Variants in ELOVL7 observed in about 807,000 individuals in gnomAD.
The protein encoded by ELOVL7 is ELOVL fatty acid elongase 7.
In ELOVL7, 27 loss-of-function variants were observed where a neutral mutation model predicts 35.7. That is an observed-to-expected ratio of 0.76 (90% CI 0.56 to 1.04). The LOEUF (loss-of-function observed/expected upper bound fraction) is 1.04. Among genes scored for constraint, ELOVL7 ranks in the 50% least tolerant of loss-of-function variants. ELOVL7 has a pLI of 0.00. For missense variants in ELOVL7, 327 were observed against 340.8 expected, an observed-to-expected ratio of 0.96 and a Z score of 0.32; for synonymous variants, 113 against 114.6, an observed-to-expected ratio of 0.99 and a Z score of 0.09.
At chr5:60,837,440 C>T (rs1354638819) in intron 1 of ELOVL7, among the ~76,000 whole-genome samples, 2 of 151,438 alleles carry the variant, frequency 1.3e-5, no homozygotes, top group Non-Finnish European at 2.9e-5. Context: ...CTGGGTGACA[C>T]AGTGAGACTC....
intron 6 of ELOVL7, among the ~76,000 whole-genome samples, chr5:60,765,356 A>T (rs1295817000): frequency 6.6e-6 from 1 of 152,192 alleles, no homozygotes; most frequent in African/African-American, 2.4e-5. Context: ...TTCTGGACTA[A>T]TGCTTCTCAA....
At chr5:60,805,278 A>G (rs1224576428) in intron 1 of ELOVL7, among the ~76,000 whole-genome samples, 1 of 152,224 alleles carries the variant, frequency 6.6e-6, no homozygotes, top group Non-Finnish European at 1.5e-5. Flanking sequence ...AACAAAACAA[A>G]AATCCTGGCT....
intron 1 of ELOVL7, among the ~76,000 whole-genome samples, chr5:60,800,003 C>T (rs1161111724): frequency 1.5e-5 from 2 of 130,620 alleles, no homozygotes; most frequent in Non-Finnish European, 3.1e-5. Context: ...CGCTATTGCA[C>T]ACCAGCCTGG....
chr5:60,814,346 T>A (rs1157752529), intron 1 of ELOVL7, among the ~76,000 whole-genome samples: 1 of 152,050 alleles, frequency 6.6e-6, no homozygotes, highest in African/African-American at 2.4e-5. Context: ...TGCTCAAAAG[T>A]CAAAGAGGTG....
chr5:60,762,471 C>A (rs940626900), intron 7 of ELOVL7, among the ~76,000 whole-genome samples: 1 of 152,016 alleles, frequency 6.6e-6, no homozygotes, highest in African/African-American at 2.4e-5. Flanking sequence ...CATTCTTGAA[C>A]TGTCAGATAT....
intron 1 of ELOVL7, among the ~76,000 whole-genome samples, chr5:60,807,097 A>G (rs1431071578): frequency 2.0e-5 from 3 of 152,128 alleles, no homozygotes; most frequent in Non-Finnish European, 4.4e-5. Flanking sequence ...GATGCAAAAG[A>G]GCCTGAGAAG....
intron 4 of ELOVL7, chr5:60,768,734 A>T (rs1347488940): frequency 2.2e-6 from 1 of 455,332 alleles, no homozygotes; most frequent in Non-Finnish European, 4.4e-6. Flanking sequence ...CTTAACACAT[A>T]TATGAAATTG....
At chr5:60,814,204 C>T (rs1205818387) in intron 1 of ELOVL7, among the ~76,000 whole-genome samples, 1 of 152,018 alleles carries the variant, frequency 6.6e-6, no homozygotes, top group Non-Finnish European at 1.5e-5. Flanking sequence ...ATCGGTGGTT[C>T]TGAAAAGAAT....
chr5:60,840,347 GAC>G (rs1747092027), intron 1 of ELOVL7, among the ~76,000 whole-genome samples: 1 of 152,156 alleles, frequency 6.6e-6, no homozygotes, highest in African/African-American at 2.4e-5. Flanking sequence ...TGAAGACACA[GAC>G]ACAAAGGGAA....
chr5:60,808,227 G>T (rs1231050622), intron 1 of ELOVL7, among the ~76,000 whole-genome samples: 2 of 151,598 alleles, frequency 1.3e-5, no homozygotes, highest in Non-Finnish European at 2.9e-5. Context: ...GGGCAAAGAT[G>T]ATCCCATAAA....
chr5:60,817,964 CT>C (rs1197368214), intron 1 of ELOVL7, among the ~76,000 whole-genome samples: 4 of 150,984 alleles, frequency 2.6e-5, no homozygotes, highest in Non-Finnish European at 5.9e-5. Context: ...CAATATGAGA[CT>C]TGTTTAAAAA....
At chr5:60,765,990 C>G (rs1476233527) in intron 6 of ELOVL7, among the ~76,000 whole-genome samples, 1 of 152,150 alleles carries the variant, frequency 6.6e-6, no homozygotes, top group South Asian at 2.1e-4. Flanking sequence ...ATTTGTGACA[C>G]GTGCTTCTCC....
chr5:60,762,304 A>C (rs999346101), intron 7 of ELOVL7, among the ~76,000 whole-genome samples: 2 of 150,352 alleles, frequency 1.3e-5, no homozygotes, highest in Non-Finnish European at 3.0e-5. Flanking sequence ...TGCCTCAAAA[A>C]AAAAAAAAAA....
At chr5:60,839,505 T>G (rs1230059922) in intron 1 of ELOVL7, among the ~76,000 whole-genome samples, 1 of 152,188 alleles carries the variant, frequency 6.6e-6, no homozygotes, top group Admixed American at 6.5e-5. Flanking sequence ...AATGCCCAAC[T>G]GGTATTAGTT....
At chr5:60,801,108 G>A (rs1744583515) in intron 1 of ELOVL7, among the ~76,000 whole-genome samples, 1 of 151,798 alleles carries the variant, frequency 6.6e-6, no homozygotes, top group African/African-American at 2.4e-5. Context: ...TTTATTTTTT[G>A]TAGAGATGGG....
At chr5:60,790,070 G>C (rs1035235756) in intron 2 of ELOVL7, among the ~76,000 whole-genome samples, 1 of 152,150 alleles carries the variant, frequency 6.6e-6, no homozygotes, top group African/African-American at 2.4e-5. Context: ...CTGGGAGGCA[G>C]AGGTTGCAGT....
intron 1 of ELOVL7, among the ~76,000 whole-genome samples, chr5:60,838,236 G>A (rs1746947386): frequency 6.6e-6 from 1 of 152,040 alleles, no homozygotes; most frequent in African/African-American, 2.4e-5. Flanking sequence ...TAAAGTATCT[G>A]CATCTCCCTG....
chr5:60,785,489 G>A (rs1477950499), intron 3 of ELOVL7, among the ~76,000 whole-genome samples: 1 of 152,114 alleles, frequency 6.6e-6, no homozygotes, highest in Non-Finnish European at 1.5e-5. Context: ...TTGTATCTGG[G>A]ATAGTGACTA....
rs1402330755 is a variant in ELOVL7 at position 60,754,414 on chromosome 5, AAAAC to A, written c.*206_*209del. The A allele has an allele frequency of 1.8e-6, 1 of 543,802 alleles. No individual in the cohort carries two copies. Among genetic ancestry groups the A allele is most frequent in the Non-Finnish European group, 3.2e-6 (1 of 307,924 alleles). The allele number at this position is 543,802 out of a possible 1,614,324, so 33.7% of individuals were successfully genotyped here. ...AGCTAAAAAAACAAAAACAAAAACA[AAAAC>A]AAATTCTGGCTGCTGTAGGCTCTAA... On this transcript the variant is annotated 3_prime_UTR_variant, in exon 9 of 9. Coordinates refer to ENST00000508821, the MANE Select transcript of ELOVL7 (RefSeq NM_024930.3).
Sources: gnomAD v4.1 joint callset for allele counts (sites outside exome capture counted in the v4.1 genomes callset) on GRCh38, gnomAD v4.1.1 for gene constraint, MANE v1.5 for transcripts, NCBI Gene and HGNC (gene_info 2026-07-23, HGNC 2026-07-21) for gene names.